PHF21A: variants seen among roughly 807,000 people sequenced by gnomAD.
PHF21A encodes BHC80a.
Under a neutral mutation model 82.5 loss-of-function variants are expected in PHF21A, and 11 were observed. The ratio of observed to expected loss-of-function variants is 0.13; its 90% CI spans 0.08 to 0.22. The LOEUF (loss-of-function observed/expected upper bound fraction) is 0.22, where lower values mean the gene tolerates loss of function less well. Among genes scored for constraint, PHF21A ranks in the 10% least tolerant of loss-of-function variants. PHF21A has a pLI of 1.00. For synonymous variants in PHF21A, 297 were observed against 302.8 expected (o/e 0.98, Z 0.20); for missense variants, 579 against 837.8 (o/e 0.69, Z 3.81).
intron 6 of PHF21A, among the ~76,000 whole-genome samples, chr11:46,035,249 C>T (rs2095971763): frequency 6.6e-6 from 1 of 152,188 alleles, no homozygotes; most frequent in Non-Finnish European, 1.5e-5. Flanking sequence ...TGTTCTTATA[C>T]CATTTCCTGA....
intron 7 of PHF21A, among the ~76,000 whole-genome samples, chr11:45,973,314 C>T (rs946458985): frequency 5.3e-5 from 8 of 152,186 alleles, no homozygotes; most frequent in African/African-American, 1.9e-4. Flanking sequence ...CTCTCAGAAA[C>T]ACATCTGGAC....
At chr11:45,974,643 C>G (rs1019358081) in intron 7 of PHF21A, among the ~76,000 whole-genome samples, 7 of 151,706 alleles carry the variant, frequency 4.6e-5, no homozygotes, top group Non-Finnish European at 2.9e-5. Flanking sequence ...TTAGTAGAGA[C>G]GTGATCTCGC....
chr11:46,019,374 T>C (rs2095584884), intron 6 of PHF21A, among the ~76,000 whole-genome samples: 1 of 152,146 alleles, frequency 6.6e-6, no homozygotes, highest in African/African-American at 2.4e-5. Flanking sequence ...GAAGCTAACT[T>C]TCATTGGTAA....
chr11:45,958,449 T>TAC (rs60775450), intron 10 of PHF21A, among the ~76,000 whole-genome samples: 8 of 15,074 alleles, frequency 5.3e-4, no homozygotes, highest in African/African-American at 9.5e-4. Context: ...TATATATATA[T>TAC]ACACACACAC....
intron 1 of PHF21A, among the ~76,000 whole-genome samples, chr11:46,114,785 T>G (rs989913732): frequency 6.6e-6 from 1 of 152,220 alleles, no homozygotes; most frequent in East Asian, 1.9e-4. Context: ...TAACAATACT[T>G]GGATCTGCAG....
At chr11:46,041,603 C>T (rs2096141623) in intron 6 of PHF21A, among the ~76,000 whole-genome samples, 1 of 152,144 alleles carries the variant, frequency 6.6e-6, no homozygotes, top group Non-Finnish European at 1.5e-5. Context: ...TCCAAAGGTA[C>T]AGGTCCTACC....
chr11:46,003,435 AAG>A (rs1489468480), intron 6 of PHF21A, among the ~76,000 whole-genome samples: 4 of 152,114 alleles, frequency 2.6e-5, no homozygotes, highest in African/African-American at 7.2e-5. Context: ...TATAAAACTA[AAG>A]AGTCATAAAA....
At chr11:46,109,258 G>A (rs1177283360) in intron 1 of PHF21A, among the ~76,000 whole-genome samples, 1 of 152,144 alleles carries the variant, frequency 6.6e-6, no homozygotes, top group Non-Finnish European at 1.5e-5. Context: ...ATGGAGGTAG[G>A]ATAATAATAG....
At chr11:46,086,951 T>C (rs1314364365) in intron 3 of PHF21A, among the ~76,000 whole-genome samples, 1 of 152,116 alleles carries the variant, frequency 6.6e-6, no homozygotes, top group African/African-American at 2.4e-5. Context: ...CCAACAAACA[T>C]GAAAAACTTC....
rs1296956394 is a variant in PHF21A at position 45,965,390 on chromosome 11, A to G, written c.921T>C (p.Ile307=). Residue 307 remains isoleucine, a synonymous_variant, in exon 10 of 19, where the codon ATT becomes ATC. Coordinates refer to ENST00000676320, the MANE Select transcript of PHF21A (RefSeq NM_001352027.3). ...GTCTGGTCCCTGGAGTAGCTATCAC[A>G]ATGCTGGTGAGCTGGGCCATGGGGA... ...KTFPMAQLTS[I]VIATPGTRLA... 2.5e-6 allele frequency: 4 copies of G among 1,614,044 alleles called. No individual in the cohort carries two copies. The South Asian group carries it at 4.4e-5, about 18-fold the overall frequency.
intron 10 of PHF21A, among the ~76,000 whole-genome samples, chr11:45,960,398 T>C (rs1249854088): frequency 6.6e-6 from 1 of 152,232 alleles, no homozygotes; most frequent in African/African-American, 2.4e-5. Context: ...TGTATTACCA[T>C]ATTGATGACT....
At chr11:45,954,658 C>A (rs2092491674) in intron 10 of PHF21A, among the ~76,000 whole-genome samples, 2 of 152,124 alleles carry the variant, frequency 1.3e-5, no homozygotes, top group Non-Finnish European at 2.9e-5. Context: ...TTACCATGAC[C>A]AATGTCTAAC....
At chr11:45,981,639 T>C (rs1263570576) in intron 6 of PHF21A, among the ~76,000 whole-genome samples, 1 of 152,068 alleles carries the variant, frequency 6.6e-6, no homozygotes, top group Admixed American at 6.6e-5. Flanking sequence ...CTATTTCTGA[T>C]AAAAATAGAT....
chr11:45,940,502 T>A (rs2090144282), intron 15 of PHF21A, among the ~76,000 whole-genome samples: 1 of 152,212 alleles, frequency 6.6e-6, no homozygotes, highest in African/African-American at 2.4e-5. Flanking sequence ...CAGATTTTAA[T>A]GTTTCTTAGT....
chr11:46,057,213 T>C (rs751081973), intron 6 of PHF21A, among the ~76,000 whole-genome samples: 2 of 152,186 alleles, frequency 1.3e-5, no homozygotes, highest in Non-Finnish European at 2.9e-5. Flanking sequence ...TTATTTTCCA[T>C]CTTGGAACTA....
intron 6 of PHF21A, among the ~76,000 whole-genome samples, chr11:46,053,145 T>C (rs1442272210): frequency 6.6e-6 from 1 of 152,206 alleles, no homozygotes; most frequent in East Asian, 1.9e-4. Flanking sequence ...GTAATGTGTA[T>C]TTTAGAAGTT....
chr11:46,057,947 A>G (rs2096483489), intron 6 of PHF21A, among the ~76,000 whole-genome samples: 1 of 152,220 alleles, frequency 6.6e-6, no homozygotes, highest in Non-Finnish European at 1.5e-5. Flanking sequence ...CAAGAAAAAA[A>G]GTCTAATTTG....
chr11:46,042,971 A>G (rs909978785), intron 6 of PHF21A, among the ~76,000 whole-genome samples: 1 of 152,166 alleles, frequency 6.6e-6, no homozygotes, highest in South Asian at 2.1e-4. Flanking sequence ...ATGAACTAAT[A>G]CATGTGGTAA....
chr11:46,025,729 C>A (rs1192437993), intron 6 of PHF21A, among the ~76,000 whole-genome samples: 1 of 152,094 alleles, frequency 6.6e-6, no homozygotes, highest in Non-Finnish European at 1.5e-5. Context: ...TTTTTATTCT[C>A]CTCTCTTGCT....
Sources: allele counts gnomAD v4.1 joint callset (sites outside exome capture counted in the v4.1 genomes callset), GRCh38; gene constraint gnomAD v4.1.1; transcripts MANE v1.5; gene names NCBI Gene and HGNC (gene_info 2026-07-23, HGNC 2026-07-21).